IGFL2: variants seen among roughly 807,000 people sequenced by gnomAD.
IGFL2 encodes the protein insulin growth factor-like family member 2.
In IGFL2, 7 loss-of-function variants were observed where a neutral mutation model predicts 13.9. The ratio of observed to expected loss-of-function variants is 0.51; its 90% CI spans 0.29 to 0.95. The LOEUF (loss-of-function observed/expected upper bound fraction) is 0.95. Ranked by LOEUF, IGFL2 falls within the 40% of genes least tolerant of loss-of-function variation. IGFL2 has a pLI of 0.08. For synonymous variants in IGFL2, 55 were observed against 55.8 expected, an observed-to-expected ratio of 0.99 and a Z score of 0.07; for missense variants, 138 against 147.8, an observed-to-expected ratio of 0.93 and a Z score of 0.34.
At chr19:46,095,608 T>C in the IGFL2 span, among the ~76,000 whole-genome samples, 1 of 152,228 alleles carries the variant, frequency 6.6e-6, no homozygotes, top group Non-Finnish European at 1.5e-5. Flanking sequence ...CCCATGCTTA[T>C]GTCCTGAATG....
At chr19:46,177,980 A>ATT in the IGFL2 span, among the ~76,000 whole-genome samples, 12 of 152,120 alleles carry the variant, frequency 7.9e-5, no homozygotes, top group Non-Finnish European at 1.5e-4. Context: ...CATCATTAAC[A>ATT]TTAAAATAGA....
At chr19:46,137,688 C>G in the IGFL2 span, 1 of 544,736 alleles carries the variant, frequency 1.8e-6, no homozygotes, top group Non-Finnish European at 3.3e-6. Flanking sequence ...CCTTGGTCCC[C>G]GGCTTCAGGG....
At chr19:46,171,864 T>C in the IGFL2 span, among the ~76,000 whole-genome samples, 1 of 152,196 alleles carries the variant, frequency 6.6e-6, no homozygotes, top group African/African-American at 2.4e-5. Flanking sequence ...TGATAAGTTT[T>C]ATAAGAATGA....
the IGFL2 span, among the ~76,000 whole-genome samples, chr19:46,181,535 TG>T: frequency 2.0e-5 from 3 of 152,244 alleles, no homozygotes; most frequent in Admixed American, 6.5e-5. Context: ...CCTAAAGCAC[TG>T]ATCTTTGAGA....
chr19:46,152,696 C>T (rs976741856), intron 1 of IGFL2, among the ~76,000 whole-genome samples: 16 of 152,146 alleles, frequency 1.1e-4, no homozygotes, highest in Non-Finnish European at 7.4e-5. Context: ...TGGCTTGAAC[C>T]GCCAATGCTA....
the IGFL2 span, among the ~76,000 whole-genome samples, chr19:46,194,469 A>T: frequency 6.6e-6 from 1 of 152,134 alleles, no homozygotes. Context: ...GTCTGATCCC[A>T]TTCTGCTGCA....
At chr19:46,153,330 C>T (rs1973614113) in intron 1 of IGFL2, among the ~76,000 whole-genome samples, 1 of 152,142 alleles carries the variant, frequency 6.6e-6, no homozygotes. Context: ...GCATCCTTGC[C>T]AGCATCTGTT....
chr19:46,157,206 A>G (rs1973871671), intron 1 of IGFL2, among the ~76,000 whole-genome samples: 1 of 152,216 alleles, frequency 6.6e-6, no homozygotes, highest in South Asian at 2.1e-4. Flanking sequence ...TTAAAAAGAA[A>G]TTGACACCAA....
rs1375525236 is a variant in IGFL2 at position 46,160,555 on chromosome 19, G to A, written c.74-59G>A. On this transcript the variant is annotated intron_variant, in intron 2 of 3. Transcript: ENST00000377693. The stretch of plus-strand genomic sequence containing the variant: ...GGGTTCACAGAGGGCTCCTGATTGG[G>A]GGATGTAGTGCCTGGTTATCCTTGA... 26 of 1,612,948 alleles carry A rather than the reference G, an allele frequency of 1.6e-5. 1 individual carries two copies. The Middle Eastern group carries it at 5.0e-4, about 31-fold the overall frequency.
chr19:46,207,974 T>A, the IGFL2 span: 1 of 152,180 alleles, frequency 6.6e-6, no homozygotes, highest in Non-Finnish European at 1.5e-5. Context: ...CCACCCGGAA[T>A]AGGGGTCTGA....
the IGFL2 span, among the ~76,000 whole-genome samples, chr19:46,192,167 A>G: frequency 6.6e-6 from 1 of 152,210 alleles, no homozygotes; most frequent in Non-Finnish European, 1.5e-5. Flanking sequence ...GCTGGGGTGC[A>G]GGTGCCCTGT....
the IGFL2 span, among the ~76,000 whole-genome samples, chr19:46,115,204 A>G: frequency 5.9e-5 from 9 of 152,152 alleles, no homozygotes; most frequent in Admixed American, 2.0e-4. Context: ...CCTTTTGCCT[A>G]CAGGAGCAGG....
intron 1 of IGFL2, chr19:46,148,996 G>C: frequency 6.2e-7 from 1 of 1,603,160 alleles, no homozygotes; most frequent in Non-Finnish European, 8.5e-7. Flanking sequence ...ATGAGGTTCA[G>C]TGTCTCAGGC....
the IGFL2 span, chr19:46,208,062 G>A: frequency 6.6e-6 from 1 of 152,238 alleles, no homozygotes; most frequent in Non-Finnish European, 1.5e-5. Context: ...GCCACAGCCA[G>A]TTCGACAAAG....
intron 1 of IGFL2, 34 bp from the exon 2 acceptor site, chr19:46,160,381 G>A: frequency 6.3e-7 from 1 of 1,596,868 alleles, no homozygotes; most frequent in South Asian, 1.1e-5. Context: ...CACACTTCCA[G>A]CCCCATCCTT....
At chr19:46,138,553 G>A (rs961363943), upstream of IGFL2, among the ~76,000 whole-genome samples, 1 of 152,202 alleles carries the variant, frequency 6.6e-6, no homozygotes, top group Non-Finnish European at 1.5e-5. Flanking sequence ...TGCTGGCAAA[G>A]TGTTGAGGGG....
the IGFL2 span, chr19:46,123,892 C>A: frequency 6.2e-7 from 1 of 1,609,516 alleles, no homozygotes. Context: ...TTACCTGGTA[C>A]AGCTCCGGGA....
intron 1 of IGFL2, among the ~76,000 whole-genome samples, chr19:46,152,236 T>C (rs1973536257): frequency 6.6e-6 from 1 of 151,830 alleles, no homozygotes; most frequent in African/African-American, 2.4e-5. Context: ...AATTTTTCTA[T>C]TAGTCTTTAG....
chr19:46,081,453 G>C, the IGFL2 span, among the ~76,000 whole-genome samples: 1 of 152,104 alleles, frequency 6.6e-6, no homozygotes, highest in Admixed American at 6.5e-5. Context: ...AGTTTCATCA[G>C]TTGTCCCACT....
Sources: allele counts gnomAD v4.1 joint callset (sites outside exome capture counted in the v4.1 genomes callset), GRCh38; gene constraint gnomAD v4.1.1; transcripts MANE v1.5; gene names NCBI Gene and HGNC (gene_info 2026-07-23, HGNC 2026-07-21).